NTAQ1: variants seen among roughly 807,000 people sequenced by gnomAD.
NTAQ1 encodes N-terminal glutamine amidase 1, also known as protein N-terminal glutamine amidohydrolase.
In NTAQ1, 21 loss-of-function variants were observed where a neutral mutation model predicts 28.2. The observed-to-expected ratio is 0.74, with a 90% CI of 0.53 to 1.07. The LOEUF (loss-of-function observed/expected upper bound fraction) is 1.07. Among genes scored for constraint, NTAQ1 ranks in the 50% least tolerant of loss-of-function variants. NTAQ1 has a pLI of 0.00. For synonymous variants in NTAQ1, 105 were observed against 90.0 expected (o/e 1.17, Z -0.94); for missense variants, 264 against 256.6 (o/e 1.03, Z -0.20).
chr8:123,438,150 T>G, intron 5 of NTAQ1: 1 of 702,186 alleles, frequency 1.4e-6, no homozygotes. Flanking sequence ...ATCCAGTTGA[T>G]AATTTCCTGA....
chr8:123,449,703 G>A (rs1051147412), downstream of NTAQ1, among the ~76,000 whole-genome samples: 4 of 151,380 alleles, frequency 2.6e-5, no homozygotes, highest in East Asian at 7.8e-4. Context: ...GAGTTTTACT[G>A]GGGGCATGTT....
At chr8:123,468,782 C>T (rs926542827) in exon 7 of NTAQ1, among the ~76,000 whole-genome samples, 3 of 152,116 alleles carry the variant, frequency 2.0e-5, no homozygotes, top group Non-Finnish European at 2.9e-5. Flanking sequence ...TTTGAGGAAC[C>T]TCCATTCTGT....
chr8:123,456,985 T>C (rs1815667438), intron 6 of NTAQ1, among the ~76,000 whole-genome samples: 1 of 152,208 alleles, frequency 6.6e-6, no homozygotes, highest in Admixed American at 6.5e-5. Context: ...TCTGTAGGCT[T>C]ATCAACTGGG....
chr8:123,443,709 G>A (rs923013910), downstream of NTAQ1, among the ~76,000 whole-genome samples: 2 of 152,146 alleles, frequency 1.3e-5, no homozygotes, highest in Admixed American at 6.5e-5. Flanking sequence ...TGAGTAGCTG[G>A]GACTACAGGC....
chr8:123,419,159 T>G (rs72724214), intron 1 of NTAQ1, among the ~76,000 whole-genome samples: 26,909 of 143,828 alleles, frequency 0.19, 2,865 homozygotes, highest in Non-Finnish European at 0.25. Context: ...AGTGCAATGA[T>G]GCCATCTTGG....
chr8:123,446,114 C>T (rs191918777), downstream of NTAQ1, among the ~76,000 whole-genome samples: 9 of 152,240 alleles, frequency 5.9e-5, no homozygotes, highest in African/African-American at 1.9e-4. Context: ...GTGCCTCAGC[C>T]TCCTGAGTAG....
chr8:123,433,782 C>G (rs879776887), intron 3 of NTAQ1, among the ~76,000 whole-genome samples: 1 of 152,188 alleles, frequency 6.6e-6, no homozygotes, highest in African/African-American at 2.4e-5. Context: ...ATCATTTACA[C>G]ACTAATGCTT....
Position 123,441,347 on chromosome 8 carries a change from A to C in NTAQ1, c.550A>C (p.Lys184Gln). The change falls in exon 6 of 6, where the codon AAG (lysine) becomes CAG (glutamine). Residue 184 changes from lysine (K) to glutamine (Q), a missense_variant. By Grantham distance (53) the Lys-to-Gln change is moderately conservative. Transcript: ENST00000287387. ...NLNDFISMDPKVGWGAVYTLS... is the reference protein window; with the variant it reads ...NLNDFISMDPQVGWGAVYTLS... ...GAACGATTTCATCAGTATGGATCCC[A>C]AGGTAGGATGGGGCGCCGTCTACAC... 1 of 1,612,272 alleles carries C rather than the reference A, an allele frequency of 6.2e-7. No individual in the cohort carries two copies. The highest frequency in any genetic ancestry group is 8.5e-7 in the Non-Finnish European group (1 of 1,179,072).
At chr8:123,421,959 C>T (rs921403768) in intron 1 of NTAQ1, among the ~76,000 whole-genome samples, 5 of 151,936 alleles carry the variant, frequency 3.3e-5, no homozygotes, top group Admixed American at 2.6e-4. Context: ...GGATTACAGG[C>T]GTGAGCCACC....
chr8:123,440,502 C>CTT (rs554416057), intron 5 of NTAQ1, among the ~76,000 whole-genome samples: 142 of 123,884 alleles, frequency 1.1e-3, no homozygotes, highest in Admixed American at 3.0e-3. Flanking sequence ...TTCCTTTCTT[C>CTT]TTTTTTTTTT....
chr8:123,416,831 C>A lies in NTAQ1; in HGVS notation c.-19C>A. On this transcript the variant is annotated 5_prime_UTR_variant, in exon 1 of 6. It adds an upstream start codon to the 5' untranslated region. Transcript: ENST00000287387. Reference sequence around the variant, plus strand: ...AGTCGGTCTTCCTCCGGCCCGGGCCCTGGCCCAGCTAGCCGGCCATGGAAG... The same window carrying A: ...AGTCGGTCTTCCTCCGGCCCGGGCCATGGCCCAGCTAGCCGGCCATGGAAG... The A allele has an allele frequency of 6.6e-7, 1 of 1,525,842 alleles. No individual in the cohort carries two copies. The highest frequency in any genetic ancestry group is 8.8e-7 in the Non-Finnish European group (1 of 1,137,546). 94.5% of individuals were successfully genotyped at this position (1,525,842 alleles called of 1,614,324 possible). A position where few individuals can be genotyped will look rare whatever the true frequency, so the allele number is the denominator to read the frequency against.
intron 5 of NTAQ1, among the ~76,000 whole-genome samples, chr8:123,437,668 A>C (rs1318980664): frequency 2.0e-5 from 3 of 151,476 alleles, no homozygotes; most frequent in Non-Finnish European, 4.4e-5. Context: ...GGGCCACTGC[A>C]TTCCAGCCTG....
chr8:123,429,757 G>A (rs1442466423), intron 2 of NTAQ1, among the ~76,000 whole-genome samples: 2 of 151,882 alleles, frequency 1.3e-5, no homozygotes, highest in African/African-American at 2.4e-5. Context: ...GCACACGCCT[G>A]TAATCCCAGC....
chr8:123,449,542 C>T (rs926277481), downstream of NTAQ1, among the ~76,000 whole-genome samples: 1 of 151,996 alleles, frequency 6.6e-6, no homozygotes, highest in African/African-American at 2.4e-5. Context: ...GTATCACTGC[C>T]CTGGTGATTC....
downstream of NTAQ1, among the ~76,000 whole-genome samples, chr8:123,472,720 T>C (rs141486182): frequency 6.6e-6 from 1 of 152,332 alleles, no homozygotes; most frequent in African/African-American, 2.4e-5. Context: ...TTTCCAAACA[T>C]GTCACATTCT....
upstream of NTAQ1, chr8:123,416,742 C>T (rs1813311731): frequency 1.8e-6 from 2 of 1,139,284 alleles, no homozygotes; most frequent in South Asian, 3.8e-5. Flanking sequence ...CCCCGGGCTC[C>T]GCCCACCCCA....
At chr8:123,431,080 A>G (rs1264462739) in intron 3 of NTAQ1, among the ~76,000 whole-genome samples, 1 of 152,080 alleles carries the variant, frequency 6.6e-6, no homozygotes, top group Non-Finnish European at 1.5e-5. Flanking sequence ...GCTCATGCCT[A>G]TAATCCCAGA....
downstream of NTAQ1, among the ~76,000 whole-genome samples, chr8:123,472,374 C>G (rs1376761925): frequency 6.6e-6 from 1 of 152,166 alleles, no homozygotes; most frequent in Admixed American, 6.5e-5. Flanking sequence ...TTACCACAAA[C>G]TTGATGACTT....
At chr8:123,469,189 T>C (rs1816017558) in exon 7 of NTAQ1, among the ~76,000 whole-genome samples, 1 of 152,232 alleles carries the variant, frequency 6.6e-6, no homozygotes, top group African/African-American at 2.4e-5. Context: ...ACTATATTGA[T>C]TGTATCTTTT....
Sources: gnomAD v4.1 joint callset for allele counts (sites outside exome capture counted in the v4.1 genomes callset) on GRCh38, gnomAD v4.1.1 for gene constraint, MANE v1.5 for transcripts, NCBI Gene and HGNC (gene_info 2026-07-23, HGNC 2026-07-21) for gene names.